CCT3: variants seen among roughly 807,000 people sequenced by gnomAD.
The protein encoded by CCT3 is T-complex protein 1 subunit gamma.
Under a neutral mutation model 65.3 loss-of-function variants are expected in CCT3, and 10 were observed. The ratio of observed to expected loss-of-function variants is 0.15; its 90% confidence interval spans 0.09 to 0.26. The LOEUF (loss-of-function observed/expected upper bound fraction) is 0.26, where lower values mean the gene tolerates loss of function less well. Ranked by LOEUF, CCT3 falls within the 10% of genes least tolerant of loss-of-function variation. CCT3 has a pLI of 1.00. For synonymous variants in CCT3, 225 were observed against 242.3 expected, an observed-to-expected ratio of 0.93 and a Z score of 0.66; for missense variants, 626 against 708.7, an observed-to-expected ratio of 0.88 and a Z score of 1.33.
At chr1:156,330,528 G>A (rs1345617265) in intron 5 of CCT3, among the ~76,000 whole-genome samples, 1 of 151,826 alleles carries the variant, frequency 6.6e-6, no homozygotes, top group Non-Finnish European at 1.5e-5. Context: ...GCTGGGCTTG[G>A]TGGCATGCGC....
At chr1:156,336,325 C>T (rs1015007238) in intron 1 of CCT3, among the ~76,000 whole-genome samples, 3 of 90,508 alleles carry the variant, frequency 3.3e-5, no homozygotes, top group Admixed American at 1.2e-4. Context: ...TTATCAGATT[C>T]TCAAAGGGCT....
chr1:156,337,110 G>A (rs1055535006), intron 1 of CCT3: 10 of 1,284,106 alleles, frequency 7.8e-6, no homozygotes, highest in East Asian at 5.7e-5. Context: ...GTGCTCATCA[G>A]AAAAAAATAA....
chr1:156,311,266 T>C, intron 11 of CCT3, 71 bp from the exon 12 acceptor site: 2 of 1,493,464 alleles, frequency 1.3e-6, no homozygotes, highest in African/African-American at 1.4e-5. Context: ...CCAAAAGGAC[T>C]TCCTAACTGC....
intron 2 of CCT3, chr1:156,335,546 C>A: frequency 2.6e-6 from 1 of 387,828 alleles, no homozygotes. Flanking sequence ...TCAAGTAACT[C>A]AGTTTAGTAT....
At chr1:156,326,438 G>T (rs979195525) in intron 5 of CCT3, among the ~76,000 whole-genome samples, 1 of 152,012 alleles carries the variant, frequency 6.6e-6, no homozygotes, top group Non-Finnish European at 1.5e-5. Context: ...GATTACCTGA[G>T]GTCAGGAGTT....
rs372570483 is a variant in CCT3 at position 156,312,226 on chromosome 1, T to C, written c.975-5A>G. 8 of 1,612,862 alleles carry C rather than the reference T, an allele frequency of 5.0e-6. No homozygotes were observed. In the Admixed American group the frequency reaches 5.0e-5, roughly 10 times the overall value. ...ACTATCCGGGCCCCACAGGCTCTAA[T>C]GGACGGAAGAGGTGGGGAGAATCAG... On this transcript the variant is annotated splice_region_variant and splice_polypyrimidine_tract_variant and intron_variant, in intron 10 of 13. Coordinates refer to ENST00000295688, the MANE Select transcript of CCT3 (RefSeq NM_005998.5).
chr1:156,321,744 T>C (rs1181742693), intron 6 of CCT3, among the ~76,000 whole-genome samples: 1 of 152,056 alleles, frequency 6.6e-6, no homozygotes, highest in Non-Finnish European at 1.5e-5. Flanking sequence ...AGTGGTGGCA[T>C]GTGCCTGTAG....
At chr1:156,338,049 G>T in intron 1 of CCT3, 105 bp downstream of exon 1, 1 of 1,230,640 alleles carries the variant, frequency 8.1e-7, no homozygotes, top group Non-Finnish European at 1.2e-6. Context: ...ATGATTGGAA[G>T]GCTCAGTGGC....
chr1:156,311,336 C>A, intron 11 of CCT3, 141 bp from the exon 12 acceptor site: 1 of 722,480 alleles, frequency 1.4e-6, no homozygotes, highest in Non-Finnish European at 2.3e-6. Context: ...CCCTACTGGG[C>A]AGGGCAGATT....
Position 156,317,058 on chromosome 1 carries a change from C to G in CCT3, c.974+108G>C. The G allele has an allele frequency of 7.3e-6, 7 of 961,360 alleles. No individual in the cohort carries two copies. The South Asian group carries it at 1.0e-4, about 14-fold the overall frequency. The allele number at this position is 961,360 out of a possible 1,614,324, so 59.6% of individuals were successfully genotyped here. A position where few individuals can be genotyped will look rare whatever the true frequency, so the allele number is the denominator to read the frequency against. ...GCAGCTAAGCCAAGGTTATTTCTACCTGTTACTATATCCTTTATTAAACCT... is the reference window on the plus strand; with the variant it reads ...GCAGCTAAGCCAAGGTTATTTCTACGTGTTACTATATCCTTTATTAAACCT... On this transcript the variant is annotated intron_variant, in intron 10 of 13. Coordinates refer to ENST00000295688, the MANE Select transcript of CCT3 (RefSeq NM_005998.5).
chr1:156,333,236 T>C (rs1665185688), intron 5 of CCT3: 1 of 276,770 alleles, frequency 3.6e-6, no homozygotes, highest in Non-Finnish European at 6.9e-6. Context: ...GAGGTTGCAG[T>C]GAGCCAAGAT....
At chr1:156,333,291 CAAA>C (rs35038881) in intron 5 of CCT3, 2,577 of 235,518 alleles carry the variant, frequency 0.011, no homozygotes, top group Middle Eastern at 0.016. Context: ...GACTCTGTCT[CAAA>C]AAAAAAAAAA....
At chr1:156,324,420 G>A (rs12045339) in intron 6 of CCT3, among the ~76,000 whole-genome samples, 36,710 of 151,932 alleles carry the variant, frequency 0.24, 4,934 homozygotes, top group Non-Finnish European at 0.29. Context: ...ATGACTCTAC[G>A]TGATGTTAAA....
At chr1:156,317,288 C>T (rs1558266314) in intron 9 of CCT3, 41 bp from the exon 10 acceptor site, 3 of 1,608,210 alleles carry the variant, frequency 1.9e-6, no homozygotes, top group African/African-American at 2.7e-5. Flanking sequence ...GGGTTCTGAA[C>T]TGGTTTTATA....
In CCT3 at chr1:156,320,927, T is replaced by G; in HGVS notation, c.521A>C (p.Asn174Thr). Reference protein sequence around the residue: ...AISRWSSLACNIALDAVKMVQ... With the variant: ...AISRWSSLACTIALDAVKMVQ... Reference sequence around the variant, plus strand: ...CATCTTGACAGCATCCAGGGCAATGTTGCAAGCCAAAGATGACCACCGACT... The same window carrying G: ...CATCTTGACAGCATCCAGGGCAATGGTGCAAGCCAAAGATGACCACCGACT... Residue 174 changes from asparagine to threonine, a missense_variant, in exon 7 of 14, where the codon AAC becomes ACC. Physicochemically the swap from Asn to Thr is moderately conservative, Grantham distance 65 (BLOSUM62 0). Transcript: ENST00000295688. 1.2e-6 allele frequency: 2 copies of G among 1,614,060 alleles called. No homozygotes were observed. Among genetic ancestry groups the G allele is most frequent in the Non-Finnish European group, 1.7e-6 (2 of 1,179,928 alleles).
intron 13 of CCT3, 94 bp from the exon 14 acceptor site, chr1:156,309,397 C>G: frequency 1.2e-6 from 1 of 828,008 alleles, no homozygotes; most frequent in Non-Finnish European, 2.0e-6. Flanking sequence ...TACTATGGAA[C>G]TGCCATTTTG....
chr1:156,319,379 G>A (rs1021784517), intron 7 of CCT3, among the ~76,000 whole-genome samples: 1 of 151,950 alleles, frequency 6.6e-6, no homozygotes, highest in African/African-American at 2.4e-5. Flanking sequence ...GCCTCCCAAA[G>A]TGCTGGGATT....
chr1:156,334,696 C>T lies in CCT3; in HGVS notation c.207+17G>A, dbSNP rs771673502. ...ACTGTCAGAAAGCAAAAAAACAAAA[C>T]CAAAAACAAAACACACCTCTCGAAG... On this transcript the variant is annotated intron_variant, in intron 4 of 13. Transcript: ENST00000295688. The T allele has an allele frequency of 2.1e-5, 34 of 1,612,008 alleles. No homozygotes were observed. The highest frequency in any genetic ancestry group is 2.9e-5 in the Non-Finnish European group (34 of 1,178,904).
chr1:156,333,595 T>C lies in CCT3; in HGVS notation c.256A>G (p.Thr86Ala), dbSNP rs770114182. The C allele has an allele frequency of 1.6e-5, 26 of 1,613,946 alleles. No homozygotes were observed. The East Asian group carries it at 5.6e-4, about 35-fold the overall frequency. ...CCATCTCCAACCTCTTCATCCTGGGTCCGGCTAATTTCGATCATGGACTTG... is the reference window on the plus strand; with the variant it reads ...CCATCTCCAACCTCTTCATCCTGGGCCCGGCTAATTTCGATCATGGACTTG... ...AAKSMIEISR[T>A]QDEEVGDGTT... is the part of the protein sequence containing the mutation. The change falls in exon 5 of 14, where the codon ACC becomes GCC. Residue 86 changes from threonine to alanine, a missense_variant. Transcript: ENST00000295688.
Sources: allele counts gnomAD v4.1 joint callset (sites outside exome capture counted in the v4.1 genomes callset), GRCh38; gene constraint gnomAD v4.1.1; transcripts MANE v1.5; gene names NCBI Gene and HGNC (gene_info 2026-07-23, HGNC 2026-07-21).